Variants in DACH2 observed in about 807,000 individuals in gnomAD.
The protein encoded by DACH2 is dachshund homolog 2.
Under a neutral mutation model 35.8 loss-of-function variants are expected in DACH2, and 17 were observed. The ratio of observed to expected loss-of-function variants is 0.48; its 90% CI spans 0.33 to 0.71. The LOEUF (loss-of-function observed/expected upper bound fraction) is 0.71, where lower values mean the gene tolerates loss of function less well. Ranked by LOEUF, DACH2 falls within the 30% of genes least tolerant of loss-of-function variation. DACH2 has a pLI of 0.02. For missense variants in DACH2, 469 were observed against 472.7 expected (o/e 0.99, Z 0.07); for synonymous variants, 195 against 177.3 (o/e 1.10, Z -0.79).
At chrX:86,767,796 A>G (rs1456138098) in intron 7 of DACH2, among the ~76,000 whole-genome samples, 2 of 111,944 alleles carry the variant, frequency 1.8e-5, no homozygotes, top group East Asian at 5.6e-4. Context: ...GACCACTTTG[A>G]CACTGCTAAT....
At chrX:86,824,339 C>A (rs1334463185) in intron 11 of DACH2, among the ~76,000 whole-genome samples, 1 of 111,889 alleles carries the variant, frequency 8.9e-6, no homozygotes, top group South Asian at 3.8e-4. Flanking sequence ...AAATATGGCT[C>A]TATTTTGCCC....
chrX:86,537,926 C>T (rs143541632), intron 3 of DACH2, among the ~76,000 whole-genome samples: 2 of 110,897 alleles, frequency 1.8e-5, no homozygotes, highest in Non-Finnish European at 3.8e-5. Context: ...TCAGAAGCTC[C>T]CCTACTGAGC....
intron 6 of DACH2, among the ~76,000 whole-genome samples, chrX:86,729,328 C>T (rs2041506696): frequency 8.9e-6 from 1 of 112,136 alleles, no homozygotes; most frequent in African/African-American, 3.2e-5. Context: ...AATGTTTACC[C>T]AATGCCTATA....
intron 2 of DACH2, among the ~76,000 whole-genome samples, chrX:86,446,563 C>T (rs758643686): frequency 2.2e-3 from 95 of 44,183 alleles, no homozygotes; most frequent in African/African-American, 8.3e-3. Flanking sequence ...TTTGTTCTTG[C>T]GATAGTTTAC....
intron 3 of DACH2, among the ~76,000 whole-genome samples, chrX:86,623,204 A>C (rs1382173688): frequency 8.9e-6 from 1 of 112,106 alleles, no homozygotes; most frequent in Non-Finnish European, 1.9e-5. Context: ...TAAAAGGCAA[A>C]AAACCCATAT....
chrX:86,382,118 C>T, intron 2 of DACH2, among the ~76,000 whole-genome samples: 1 of 110,069 alleles, frequency 9.1e-6, no homozygotes, highest in Non-Finnish European at 1.9e-5. Context: ...AGGTTGACGA[C>T]TCTATATTCT....
chrX:86,570,234 TG>T (rs760170007), intron 3 of DACH2, among the ~76,000 whole-genome samples: 50 of 111,788 alleles, frequency 4.5e-4, no homozygotes, highest in Non-Finnish European at 7.5e-4. Flanking sequence ...ATCTCGTTAC[TG>T]GGTATATACC....
At chrX:86,697,680 T>C (rs1441743939) in intron 5 of DACH2, among the ~76,000 whole-genome samples, 1 of 88,030 alleles carries the variant, frequency 1.1e-5, no homozygotes, top group African/African-American at 4.5e-5. Context: ...TAAGAAAAAA[T>C]CAAAAGAAAA....
At chrX:86,361,485 C>T (rs2035738888) in intron 1 of DACH2, among the ~76,000 whole-genome samples, 1 of 111,001 alleles carries the variant, frequency 9.0e-6, no homozygotes, top group Non-Finnish European at 1.9e-5. Flanking sequence ...CAGTGTGTCT[C>T]ATCATAGTAA....
At chrX:86,816,702 G>A (rs908229738) in intron 11 of DACH2, among the ~76,000 whole-genome samples, 1 of 111,547 alleles carries the variant, frequency 9.0e-6, no homozygotes, top group African/African-American at 3.3e-5. Context: ...GAAAACAGAT[G>A]AAACAAATCA....
At chrX:86,227,317 C>T (rs1291855089) in intron 1 of DACH2, among the ~76,000 whole-genome samples, 3 of 111,688 alleles carry the variant, frequency 2.7e-5, no homozygotes, top group Non-Finnish European at 5.7e-5. Context: ...ACTTAGTTTT[C>T]TACTTGTATA....
intron 1 of DACH2, among the ~76,000 whole-genome samples, chrX:86,278,546 A>C (rs2033962460): frequency 8.9e-6 from 1 of 112,635 alleles, no homozygotes; most frequent in Admixed American, 9.4e-5. Context: ...ATTTTGATTA[A>C]TAAAGATGTG....
At chrX:86,493,308 A>C (rs1266300299) in intron 2 of DACH2, among the ~76,000 whole-genome samples, 1 of 111,360 alleles carries the variant, frequency 9.0e-6, no homozygotes, top group African/African-American at 3.3e-5. Flanking sequence ...TTGTGGTTCA[A>C]TACTATTAGG....
At chrX:86,345,029 A>G (rs770107591) in intron 1 of DACH2, among the ~76,000 whole-genome samples, 1 of 112,298 alleles carries the variant, frequency 8.9e-6, no homozygotes, top group Non-Finnish European at 1.9e-5. Context: ...GCAGTATTAC[A>G]ATTGTATTAC....
chrX:86,223,188 C>G (rs1479203885), intron 1 of DACH2, among the ~76,000 whole-genome samples: 3 of 111,679 alleles, frequency 2.7e-5, no homozygotes, highest in Non-Finnish European at 5.7e-5. Context: ...TCATTAATAC[C>G]TCACTGCTAT....
At chrX:86,616,663 T>C (rs1467905641) in intron 3 of DACH2, among the ~76,000 whole-genome samples, 1 of 112,417 alleles carries the variant, frequency 8.9e-6, no homozygotes, top group Non-Finnish European at 1.9e-5. Flanking sequence ...ATGCTACATA[T>C]TAAAACTTTG....
At chrX:86,802,154 G>C in intron 7 of DACH2, among the ~76,000 whole-genome samples, 1 of 111,463 alleles carries the variant, frequency 9.0e-6, no homozygotes, top group Non-Finnish European at 1.9e-5. Flanking sequence ...CCTTTATATA[G>C]CCCAGTGGTT....
At chrX:86,216,166 A>T (rs1421501918) in intron 1 of DACH2, among the ~76,000 whole-genome samples, 2 of 112,116 alleles carry the variant, frequency 1.8e-5, no homozygotes, top group Non-Finnish European at 3.8e-5. Context: ...GCCAAATATT[A>T]ATTTGAGTAT....
intron 3 of DACH2, among the ~76,000 whole-genome samples, chrX:86,566,377 T>C (rs2039292643): frequency 9.0e-6 from 1 of 111,651 alleles, no homozygotes; most frequent in Non-Finnish European, 1.9e-5. Context: ...AGCCTCCTTC[T>C]GGGCTTTTAA....
Sources: allele counts gnomAD v4.1 joint callset (sites outside exome capture counted in the v4.1 genomes callset), GRCh38; gene constraint gnomAD v4.1.1; transcripts MANE v1.5; gene names NCBI Gene and HGNC (gene_info 2026-07-23, HGNC 2026-07-21).